The following LIMK2 variants were observed in gnomAD, a reference collection of about 807,000 sequenced individuals.
LIMK2 encodes LIM domain kinase 2.
A neutral mutation model predicts 75.7 loss-of-function variants in LIMK2; 35 were observed. The ratio of observed to expected loss-of-function variants is 0.46; its 90% CI spans 0.35 to 0.61. LIMK2 has a LOEUF of 0.61. LIMK2 is among the 20% of genes least tolerant of loss of function. The pLI, the probability that LIMK2 is intolerant of heterozygous loss-of-function variation, is 0.00. For missense variants in LIMK2, 623 were observed against 831.0 expected (o/e 0.75, Z 3.08); for synonymous variants, 301 against 319.2 (o/e 0.94, Z 0.61).
intron 2 of LIMK2, among the ~76,000 whole-genome samples, chr22:31,255,942 G>GAAGTTAA (rs1475321827): frequency 1.6e-5 from 2 of 125,474 alleles, no homozygotes; most frequent in Non-Finnish European, 3.2e-5. Context: ...ATCTTTAATA[G>GAAGTTAA]AAGTTAACAC....
chr22:31,223,037 C>G (rs1260819919), intron 1 of LIMK2, among the ~76,000 whole-genome samples: 1 of 152,114 alleles, frequency 6.6e-6, no homozygotes, highest in Non-Finnish European at 1.5e-5. Flanking sequence ...ACTGGGGAGT[C>G]TAACCCAGAG....
Position 31,260,038 on chromosome 22 carries a change from G to A in LIMK2, c.512G>A (p.Ser171Asn). Residue 171 changes from serine (S) to asparagine (N), a missense_variant, in exon 5 of 16, where the codon AGT (serine) becomes AAT (asparagine). Coordinates refer to ENST00000331728, the MANE Select transcript of LIMK2 (RefSeq NM_005569.4). The part of the protein sequence containing the change: ...GRRGFSVSVE[S>N]ACSNYATTVQ... ...CGGGGCTTCTCCGTGTCCGTGGAGA[G>A]TGCCTGCTCCAACTACGCCACCACT... is the stretch of plus-strand genomic sequence containing the variant. 1.2e-6 allele frequency: 2 copies of A among 1,602,180 alleles called. No homozygotes were observed. Among genetic ancestry groups the A allele is most frequent in the Non-Finnish European group, 8.5e-7 (1 of 1,176,390 alleles).
chr22:31,256,140 C>T (rs553017781), intron 2 of LIMK2, among the ~76,000 whole-genome samples: 3 of 144,350 alleles, frequency 2.1e-5, no homozygotes, highest in Non-Finnish European at 4.6e-5. Context: ...CTGGGACTAC[C>T]AGTGCACGCC....
chr22:31,267,956 C>T (rs376770377), intron 10 of LIMK2, 49 bp downstream of exon 10: 13 of 1,573,590 alleles, frequency 8.3e-6, no homozygotes, highest in Middle Eastern at 3.4e-4. Context: ...GGTTGTCAGA[C>T]ACCTATGCTA....
At chr22:31,265,462 A>G (rs1164507994) in intron 7 of LIMK2, among the ~76,000 whole-genome samples, 1 of 150,796 alleles carries the variant, frequency 6.6e-6, no homozygotes, top group Non-Finnish European at 1.5e-5. Flanking sequence ...CAGGTGAACT[A>G]GGGAGACAGA....
chr22:31,259,265 A>G (rs901751435), intron 4 of LIMK2, 35 bp downstream of exon 4: 16 of 1,363,642 alleles, frequency 1.2e-5, no homozygotes, highest in Middle Eastern at 1.9e-4. Flanking sequence ...CCTCTCCCAT[A>G]TAAGAGTGGC....
At chr22:31,231,012 C>T (rs758761920) in intron 2 of LIMK2, among the ~76,000 whole-genome samples, 174 of 152,274 alleles carry the variant, frequency 1.1e-3, no homozygotes, top group South Asian at 3.7e-3. Context: ...TTACCTACTT[C>T]GAGAATAGGG....
intron 2 of LIMK2, among the ~76,000 whole-genome samples, chr22:31,258,068 A>G (rs1166193829): frequency 1.3e-5 from 2 of 152,168 alleles, no homozygotes; most frequent in Non-Finnish European, 2.9e-5. Context: ...ATGAAACACT[A>G]GTCTGTCCAC....
chr22:31,246,183 G>GCACGCACACACACACACACA (rs1555886279), intron 2 of LIMK2, among the ~76,000 whole-genome samples: 26 of 135,094 alleles, frequency 1.9e-4, no homozygotes, highest in East Asian at 4.2e-4. Context: ...ACGCACGCAC[G>GCACGCACACACACACACACA]CACACACACA....
intron 1 of LIMK2, among the ~76,000 whole-genome samples, chr22:31,213,076 G>A (rs1413364487): frequency 6.6e-6 from 1 of 152,248 alleles, no homozygotes; most frequent in African/African-American, 2.4e-5. Flanking sequence ...GGGGCCCAAA[G>A]ATCTCTGCTA....
At position 31,266,034 on chromosome 22, in the gene LIMK2, C is replaced by T. The variant is rs759969796; in HGVS notation, c.943C>T (p.Leu315Phe). ...CCGTGACATCAGCCGCTCAGAATCC[C>T]TTCGTTGTTCCAGCAGCTATTCACA... ...FSRDISRSES[L>F]RCSSSYSQQI... is the part of the protein sequence containing the mutation. The change falls in exon 8 of 16, where the codon CTT (leucine) becomes TTT (phenylalanine). Residue 315 changes from leucine to phenylalanine, a missense_variant. Coordinates refer to ENST00000331728, the MANE Select transcript of LIMK2 (RefSeq NM_005569.4). 6.2e-7 allele frequency: 1 copy of T among 1,614,190 alleles called. No individual in the cohort carries two copies. The highest frequency in any genetic ancestry group is 1.7e-5 in the Admixed American group (1 of 60,014).
chr22:31,234,063 A>G (rs2048550554), intron 2 of LIMK2, among the ~76,000 whole-genome samples: 1 of 152,052 alleles, frequency 6.6e-6, no homozygotes, highest in Non-Finnish European at 1.5e-5. Flanking sequence ...CCCAGGCTGG[A>G]GTGCAGTGGC....
At chr22:31,227,798 G>A (rs2048491746) in intron 2 of LIMK2, among the ~76,000 whole-genome samples, 1 of 152,196 alleles carries the variant, frequency 6.6e-6, no homozygotes, top group Admixed American at 6.5e-5. Context: ...GCAGGACAGG[G>A]TAGAGCAAGT....
Position 31,237,856 on chromosome 22 carries a change from G to A in LIMK2, c.116+12037G>A, listed in dbSNP as rs148788298. Among the ~76,000 whole-genome samples the A allele has an allele frequency of 2.6e-5, 4 of 151,830 alleles. No homozygotes were observed. In the East Asian group the frequency reaches 7.8e-4, roughly 29 times the overall value. ...GCAGTGGCTCACACCTGTAATCCCA[G>A]CACTTTGGGAGGCCGAGGTGGGCAG... On this transcript the variant is annotated intron_variant, in intron 2 of 15. Transcript: ENST00000331728.
At chr22:31,274,321 CCTT>C (rs1256426543) in intron 14 of LIMK2, among the ~76,000 whole-genome samples, 6 of 152,098 alleles carry the variant, frequency 3.9e-5, no homozygotes, top group African/African-American at 1.4e-4. Flanking sequence ...ACATTCAAAG[CCTT>C]CTGTAATTCC....
chr22:31,239,642 C>T (rs1476269040), intron 2 of LIMK2, among the ~76,000 whole-genome samples: 1 of 152,202 alleles, frequency 6.6e-6, no homozygotes, highest in South Asian at 2.1e-4. Context: ...CTTCGTTATT[C>T]TCTTCATACC....
At chr22:31,274,546 G>A (rs1254180643) in intron 14 of LIMK2, among the ~76,000 whole-genome samples, 2 of 151,968 alleles carry the variant, frequency 1.3e-5, no homozygotes, top group Non-Finnish European at 2.9e-5. Context: ...GACTACAGGT[G>A]TGCGCCACCA....
intron 2 of LIMK2, among the ~76,000 whole-genome samples, chr22:31,251,680 CAT>C (rs75476177): frequency 0.045 from 6,787 of 152,254 alleles, 563 homozygotes; most frequent in East Asian, 0.37. Context: ...ACAACAATAA[CAT>C]ATTCCATAAT....
chr22:31,239,088 G>GCC (rs2048603524), intron 2 of LIMK2, among the ~76,000 whole-genome samples: 1 of 152,170 alleles, frequency 6.6e-6, no homozygotes, highest in South Asian at 2.1e-4. Flanking sequence ...TAGAGATGTG[G>GCC]CCCCAGGACA....
Sources: gnomAD v4.1 joint callset for allele counts (sites outside exome capture counted in the v4.1 genomes callset) on GRCh38, gnomAD v4.1.1 for gene constraint, MANE v1.5 for transcripts, NCBI Gene and HGNC (gene_info 2026-07-23, HGNC 2026-07-21) for gene names.